Variants in CUBN observed in about 807,000 individuals in gnomAD.
CUBN encodes the protein 460 kDa receptor.
CUBN carries 282 observed loss-of-function variants against 405.3 expected under a neutral mutation model. The ratio of observed to expected loss-of-function variants is 0.70; its 90% CI spans 0.63 to 0.77. CUBN has a LOEUF of 0.77. Ranked by LOEUF, CUBN falls within the 30% of genes least tolerant of loss-of-function variation. The pLI is 0.00. For missense variants in CUBN, 4,514 were observed against 4,475.2 expected, an observed-to-expected ratio of 1.01 and a Z score of -0.25; for synonymous variants, 1,684 against 1,617.0, an observed-to-expected ratio of 1.04 and a Z score of -0.99.
At chr10:16,934,730 G>A (rs1343916071) in intron 39 of CUBN, among the ~76,000 whole-genome samples, 1 of 152,184 alleles carries the variant, frequency 6.6e-6, no homozygotes, top group Admixed American at 6.5e-5. Context: ...AAAGGCATGT[G>A]TTACTTTACA....
chr10:17,005,231 C>G (rs1833985056), intron 28 of CUBN, among the ~76,000 whole-genome samples: 1 of 152,200 alleles, frequency 6.6e-6, no homozygotes, highest in Non-Finnish European at 1.5e-5. Context: ...TTCTATCACT[C>G]CCTTTCCCTA....
chr10:17,083,228 G>C (rs187073392), intron 17 of CUBN, among the ~76,000 whole-genome samples: 1 of 152,014 alleles, frequency 6.6e-6, no homozygotes, highest in South Asian at 2.1e-4. Flanking sequence ...AATGCAGGCC[G>C]GTTGCAGTAG....
intron 60 of CUBN, among the ~76,000 whole-genome samples, chr10:16,843,488 A>G (rs1159048187): frequency 1.3e-5 from 2 of 152,232 alleles, no homozygotes; most frequent in Non-Finnish European, 2.9e-5. Flanking sequence ...CAACTTAAAC[A>G]TGATTTTAGT....
chr10:16,986,898 T>C (rs1438711201), intron 29 of CUBN, among the ~76,000 whole-genome samples: 1 of 152,222 alleles, frequency 6.6e-6, no homozygotes. Context: ...CGGCAAAATA[T>C]TCTTTGTTTT....
chr10:17,052,053 G>C (rs1213574400), intron 22 of CUBN, among the ~76,000 whole-genome samples: 1 of 152,012 alleles, frequency 6.6e-6, no homozygotes, highest in Non-Finnish European at 1.5e-5. Flanking sequence ...TTGGGGCGGG[G>C]GGGAAGCCAC....
chr10:17,068,456 A>AAGTTAAT, intron 20 of CUBN, 149 bp downstream of exon 20: 1 of 930,274 alleles, frequency 1.1e-6, no homozygotes, highest in Non-Finnish European at 1.6e-6. Flanking sequence ...TTTGATATAA[A>AAGTTAAT]TGTTGATTAG....
At chr10:17,092,531 A>G (rs982020331) in intron 14 of CUBN, among the ~76,000 whole-genome samples, 1 of 152,170 alleles carries the variant, frequency 6.6e-6, no homozygotes, top group East Asian at 1.9e-4. Flanking sequence ...AACAGGATGC[A>G]GTAGAGAAGG....
intron 35 of CUBN, among the ~76,000 whole-genome samples, 193 bp downstream of exon 35, chr10:16,948,285 C>T (rs1053587422): frequency 2.0e-5 from 3 of 152,172 alleles, no homozygotes; most frequent in African/African-American, 4.8e-5. Context: ...CCAACCAATC[C>T]TCCACACTTC....
At chr10:16,880,713 C>A (rs1160304226) in intron 56 of CUBN, among the ~76,000 whole-genome samples, 1 of 152,192 alleles carries the variant, frequency 6.6e-6, no homozygotes, top group Non-Finnish European at 1.5e-5. Context: ...ATTCTTAAAT[C>A]ATTTTAAGAA....
chr10:16,844,791 G>C (rs1335294098), intron 60 of CUBN, among the ~76,000 whole-genome samples: 1 of 152,116 alleles, frequency 6.6e-6, no homozygotes, highest in Non-Finnish European at 1.5e-5. Flanking sequence ...ACAGACTTTT[G>C]CCAGGTTGCC....
At chr10:16,913,770 A>C (rs368220296) in intron 48 of CUBN, 41 bp downstream of exon 48, 1 of 1,610,274 alleles carries the variant, frequency 6.2e-7, no homozygotes, top group African/African-American at 1.3e-5. Flanking sequence ...AAACTCTTTA[A>C]ATGATGGAAT....
chr10:16,827,747 G>T (rs1368140532), intron 66 of CUBN, among the ~76,000 whole-genome samples: 1 of 152,190 alleles, frequency 6.6e-6, no homozygotes, highest in African/African-American at 2.4e-5. Context: ...GATTACAGGC[G>T]TGTGCCACTA....
At chr10:17,119,854 A>G (rs965502025) in intron 6 of CUBN, among the ~76,000 whole-genome samples, 2 of 152,208 alleles carry the variant, frequency 1.3e-5, no homozygotes, top group Middle Eastern at 3.2e-3. Flanking sequence ...TCATTGTTCT[A>G]AAAAAGAATT....
chr10:16,876,609 A>C (rs1244236573), intron 57 of CUBN, among the ~76,000 whole-genome samples: 1 of 152,196 alleles, frequency 6.6e-6, no homozygotes, highest in African/African-American at 2.4e-5. Context: ...GTAAGGTAAG[A>C]AAAACAAAAA....
chr10:16,908,690 C>G (rs914355571), intron 48 of CUBN, among the ~76,000 whole-genome samples: 1 of 152,050 alleles, frequency 6.6e-6, no homozygotes, highest in African/African-American at 2.4e-5. Context: ...ATTTGCATGA[C>G]TGGTTTTCAC....
At chr10:17,060,979 G>T (rs796325402) in intron 22 of CUBN, among the ~76,000 whole-genome samples, 20 of 152,216 alleles carry the variant, frequency 1.3e-4, no homozygotes, top group African/African-American at 4.8e-4. Flanking sequence ...AACCTAGGAG[G>T]CAGAGGTTGC....
intron 28 of CUBN, among the ~76,000 whole-genome samples, chr10:17,008,919 G>T (rs1174112611): frequency 1.3e-5 from 2 of 152,138 alleles, no homozygotes; most frequent in Non-Finnish European, 2.9e-5. Context: ...TCTGTGGAAT[G>T]AACAAATGCG....
chr10:16,921,851 C>T (rs946841501), intron 43 of CUBN, among the ~76,000 whole-genome samples: 2 of 152,150 alleles, frequency 1.3e-5, no homozygotes, highest in African/African-American at 4.8e-5. Flanking sequence ...CCTGTTCTGA[C>T]CTCGAGATTC....
chr10:16,916,295 T>C lies in CUBN; in HGVS notation c.7001-265A>G, dbSNP rs552840846. Among the ~76,000 whole-genome samples, 10 of 152,362 alleles carry C rather than the reference T, an allele frequency of 6.6e-5. No individual in the cohort carries two copies. In the South Asian group the frequency reaches 1.7e-3, roughly 25 times the overall value. ...AAGATGATGACTAAATGGAATATTC[T>C]GTAATGTCACATTAATTCTTTTGGG... On this transcript the variant is annotated intron_variant, in intron 45 of 66. Coordinates refer to ENST00000377833, the MANE Select transcript of CUBN (RefSeq NM_001081.4).
Sources: gnomAD v4.1 joint callset for allele counts (sites outside exome capture counted in the v4.1 genomes callset) on GRCh38, gnomAD v4.1.1 for gene constraint, MANE v1.5 for transcripts, NCBI Gene and HGNC (gene_info 2026-07-23, HGNC 2026-07-21) for gene names.